GRIK2: variants seen among roughly 807,000 people sequenced by gnomAD.
GRIK2 encodes glutamate receptor ionotropic, kainate 2.
In GRIK2, 32 loss-of-function variants were observed where a neutral mutation model predicts 100.3. That is an observed-to-expected ratio of 0.32 (90% CI 0.24 to 0.43). The LOEUF (loss-of-function observed/expected upper bound fraction) is 0.43, where lower values mean the gene tolerates loss of function less well. Among genes scored for constraint, GRIK2 ranks in the 20% least tolerant of loss-of-function variants. The probability of loss-of-function intolerance (pLI) is 1.00; values close to 1 mark genes in which losing one functional copy is unlikely to be tolerated. For missense variants in GRIK2, 843 were observed against 1,114.9 expected, an observed-to-expected ratio of 0.76 and a Z score of 3.47; for synonymous variants, 417 against 389.4, an observed-to-expected ratio of 1.07 and a Z score of -0.83.
chr6:101,805,665 G>C (rs991813780), intron 9 of GRIK2, among the ~76,000 whole-genome samples: 1 of 151,922 alleles, frequency 6.6e-6, no homozygotes, highest in African/African-American at 2.4e-5. Context: ...TCTAATAGAG[G>C]AAACCTGCCA....
rs545756563 is a variant in GRIK2 at position 102,018,625 on chromosome 6, G to C, written c.2086-16716G>C. Among the ~76,000 whole-genome samples, 6 of 152,126 alleles carry C rather than the reference G, an allele frequency of 3.9e-5. No homozygotes were observed. In the South Asian group the frequency reaches 1.2e-3, roughly 32 times the overall value. On this transcript the variant is annotated intron_variant, in intron 14 of 16. Coordinates refer to ENST00000369134, the MANE Select transcript of GRIK2 (RefSeq NM_021956.5). Reference sequence around the variant, plus strand: ...TTGAGGTTTCTACTCATGGATATCTGCTTCAGTAATTTGTGGTTCTCTATA... The same window carrying C: ...TTGAGGTTTCTACTCATGGATATCTCCTTCAGTAATTTGTGGTTCTCTATA...
At chr6:101,819,561 T>C (rs1435513424) in intron 10 of GRIK2, among the ~76,000 whole-genome samples, 1 of 152,178 alleles carries the variant, frequency 6.6e-6, no homozygotes, top group Non-Finnish European at 1.5e-5. Flanking sequence ...TCCAAACGTC[T>C]AAGACACCCT....
chr6:101,632,784 A>T lies in GRIK2; in HGVS notation c.541+6147A>T, dbSNP rs9322600. ...GGCTCAGAGTAGAGTAAGTTAGGAG[A>T]GAATAACACTACACTCTAGTGTAAC... is the stretch of plus-strand genomic sequence containing the variant. On this transcript the variant is annotated intron_variant, in intron 4 of 16. Transcript: ENST00000369134. Among the ~76,000 whole-genome samples, 239 of 152,224 alleles carry T rather than the reference A, an allele frequency of 1.6e-3. 1 individual carries two copies. Among genetic ancestry groups the T allele is most frequent in the African/African-American group, 5.7e-3 (235 of 41,546 alleles).
chr6:101,789,175 T>C (rs1779650110), intron 7 of GRIK2, among the ~76,000 whole-genome samples: 1 of 152,344 alleles, frequency 6.6e-6, no homozygotes, highest in East Asian at 1.9e-4. Context: ...ACTCTGATAG[T>C]AGTTTCTTTT....
chr6:102,030,795 C>A (rs79730859), intron 14 of GRIK2, among the ~76,000 whole-genome samples: 8,216 of 150,980 alleles, frequency 0.054, 517 homozygotes, highest in East Asian at 0.33. Flanking sequence ...CATCTATCCA[C>A]GACTTGGTCA....
intron 2 of GRIK2, among the ~76,000 whole-genome samples, chr6:101,498,390 A>G (rs970768414): frequency 9.5e-4 from 145 of 152,174 alleles, no homozygotes; most frequent in African/African-American, 3.3e-3. Context: ...CCCAGTAATG[A>G]GATGGCTGGG....
chr6:101,420,360 G>T (rs1313663021), intron 2 of GRIK2, among the ~76,000 whole-genome samples: 1 of 152,160 alleles, frequency 6.6e-6, no homozygotes, highest in East Asian at 1.9e-4. Context: ...TATATTTAAC[G>T]ATTTGTTCAT....
chr6:101,511,301 A>C (rs985752221), intron 2 of GRIK2, among the ~76,000 whole-genome samples: 2 of 152,162 alleles, frequency 1.3e-5, no homozygotes, highest in Non-Finnish European at 2.9e-5. Flanking sequence ...ACATTTAACT[A>C]CCAAGTTTCT....
At chr6:101,587,420 T>TCATC in intron 2 of GRIK2, among the ~76,000 whole-genome samples, 1 of 152,164 alleles carries the variant, frequency 6.6e-6, no homozygotes, top group South Asian at 2.1e-4. Context: ...ATCCATCCAT[T>TCATC]CATCCATCCA....
intron 14 of GRIK2, among the ~76,000 whole-genome samples, chr6:101,976,596 ATGAT>A (rs371978752): frequency 2.8e-4 from 43 of 152,000 alleles, no homozygotes; most frequent in African/African-American, 1.0e-3. Context: ...CTGAGGCAGG[ATGAT>A]TGATTGAGCC....
intron 14 of GRIK2, among the ~76,000 whole-genome samples, chr6:102,006,832 ATTG>A (rs1301007643): frequency 6.6e-6 from 1 of 152,056 alleles, no homozygotes; most frequent in Non-Finnish European, 1.5e-5. Flanking sequence ...ATCATATCTT[ATTG>A]TTTGATATTA....
chr6:101,724,754 A>G (rs1370185541), intron 7 of GRIK2, among the ~76,000 whole-genome samples: 1 of 152,028 alleles, frequency 6.6e-6, no homozygotes, highest in African/African-American at 2.4e-5. Flanking sequence ...TGGGGAGAGA[A>G]TAAATACTTT....
chr6:101,769,366 A>G (rs2128396211), intron 7 of GRIK2, among the ~76,000 whole-genome samples: 1 of 152,312 alleles, frequency 6.6e-6, no homozygotes, highest in Non-Finnish European at 1.5e-5. Flanking sequence ...ACACTAAAGG[A>G]TATACAATTG....
intron 2 of GRIK2, among the ~76,000 whole-genome samples, chr6:101,441,743 C>T (rs1045089275): frequency 1.3e-5 from 2 of 152,110 alleles, no homozygotes; most frequent in African/African-American, 4.8e-5. Context: ...CAGGAATCAG[C>T]ATAACACCCG....
chr6:101,811,844 TAAAC>T (rs1375148861), intron 9 of GRIK2, among the ~76,000 whole-genome samples: 4 of 151,292 alleles, frequency 2.6e-5, no homozygotes, highest in African/African-American at 4.8e-5. Context: ...AATAAACAAA[TAAAC>T]AATAAAGAAG....
At chr6:102,003,844 G>A (rs148251520) in intron 14 of GRIK2, among the ~76,000 whole-genome samples, 63 of 151,782 alleles carry the variant, frequency 4.2e-4, no homozygotes, top group Middle Eastern at 3.5e-3. Context: ...TCTGTATAGT[G>A]TAACTAGAAG....
At chr6:101,394,738 A>G (rs1191921266) in intron 1 of GRIK2, among the ~76,000 whole-genome samples, 1 of 152,210 alleles carries the variant, frequency 6.6e-6, no homozygotes, top group East Asian at 1.9e-4. Flanking sequence ...GTCTTAGTTC[A>G]TTACTTTCTA....
chr6:101,676,588 T>C (rs746112288), intron 4 of GRIK2, 35 bp from the exon 5 acceptor site: 2 of 1,278,260 alleles, frequency 1.6e-6, no homozygotes, highest in Non-Finnish European at 2.2e-6. Flanking sequence ...TTTTTATCTC[T>C]AATATTCTTT....
At chr6:101,936,798 G>A (rs1242796713) in intron 14 of GRIK2, among the ~76,000 whole-genome samples, 1 of 152,136 alleles carries the variant, frequency 6.6e-6, no homozygotes, top group Admixed American at 6.6e-5. Flanking sequence ...AAGCATATGA[G>A]TCAAAGACTT....
Sources: gnomAD v4.1 joint callset for allele counts (sites outside exome capture counted in the v4.1 genomes callset) on GRCh38, gnomAD v4.1.1 for gene constraint, MANE v1.5 for transcripts, NCBI Gene and HGNC (gene_info 2026-07-23, HGNC 2026-07-21) for gene names.